AKR1C8: variants seen among roughly 807,000 people sequenced by gnomAD.
The protein encoded by AKR1C8 is aldo-keto reductase family 1 member C8.
chr10:5,119,715 T>G, the AKR1C8 span, among the ~76,000 whole-genome samples: 1 of 152,156 alleles, frequency 6.6e-6, no homozygotes. Flanking sequence ...CTCTCCAAGA[T>G]GCCTAAAAGG....
At chr10:5,127,578 G>A in the AKR1C8 span, among the ~76,000 whole-genome samples, 2 of 149,962 alleles carry the variant, frequency 1.3e-5, no homozygotes, top group African/African-American at 4.9e-5. Flanking sequence ...AATTAGCCTG[G>A]CATGCTGGCA....
chr10:5,126,302 C>T, the AKR1C8 span, among the ~76,000 whole-genome samples: 1 of 152,136 alleles, frequency 6.6e-6, no homozygotes, highest in Non-Finnish European at 1.5e-5. Context: ...CAGGTTCAGG[C>T]TTGCATGAGA....
chr10:5,165,544 A>C, the AKR1C8 span, among the ~76,000 whole-genome samples: 1 of 152,184 alleles, frequency 6.6e-6, no homozygotes, highest in African/African-American at 2.4e-5. Flanking sequence ...AATCAGAAAG[A>C]AACTTCCCTG....
At chr10:5,141,562 C>T in the AKR1C8 span, among the ~76,000 whole-genome samples, 1 of 152,022 alleles carries the variant, frequency 6.6e-6, no homozygotes, top group Non-Finnish European at 1.5e-5. Flanking sequence ...ATTTTATGAA[C>T]AATAAGACTT....
At chr10:5,127,340 G>A in the AKR1C8 span, among the ~76,000 whole-genome samples, 2 of 152,132 alleles carry the variant, frequency 1.3e-5, no homozygotes, top group Admixed American at 6.6e-5. Flanking sequence ...GCAGTGGAAA[G>A]TTTCAACAAT....
chr10:5,176,963 CT>C, the AKR1C8 span, among the ~76,000 whole-genome samples: 1 of 152,084 alleles, frequency 6.6e-6, no homozygotes, highest in Admixed American at 6.6e-5. Context: ...ATTGAATACC[CT>C]TTATTTCCTT....
At chr10:5,166,044 C>T in the AKR1C8 span, among the ~76,000 whole-genome samples, 3 of 151,956 alleles carry the variant, frequency 2.0e-5, no homozygotes, top group African/African-American at 4.8e-5. Flanking sequence ...TCTTTCTCTC[C>T]ACCCTGGGTC....
chr10:5,121,400 C>A, the AKR1C8 span, among the ~76,000 whole-genome samples: 1 of 152,208 alleles, frequency 6.6e-6, no homozygotes, highest in Non-Finnish European at 1.5e-5. Flanking sequence ...ACCTCAGTCA[C>A]TAGCACTGAG....
chr10:5,125,343 T>C, the AKR1C8 span, among the ~76,000 whole-genome samples: 2 of 152,160 alleles, frequency 1.3e-5, no homozygotes, highest in Non-Finnish European at 2.9e-5. Context: ...GTACTGTTAC[T>C]GGGAGAATAT....
At chr10:5,135,522 T>TCTGG in the AKR1C8 span, among the ~76,000 whole-genome samples, 2 of 152,128 alleles carry the variant, frequency 1.3e-5, no homozygotes, top group African/African-American at 4.8e-5. Flanking sequence ...TATCTATCTA[T>TCTGG]CTATCTATCT....
chr10:5,165,771 C>G, the AKR1C8 span, among the ~76,000 whole-genome samples: 73 of 152,240 alleles, frequency 4.8e-4, no homozygotes, highest in African/African-American at 1.7e-3. Context: ...TTAAAACAGT[C>G]CCTTCATTAA....
the AKR1C8 span, among the ~76,000 whole-genome samples, chr10:5,120,749 G>A: frequency 6.6e-6 from 1 of 152,012 alleles, no homozygotes; most frequent in African/African-American, 2.4e-5. Context: ...AAAGAAGAGA[G>A]ACTGTTCACA....
the AKR1C8 span, among the ~76,000 whole-genome samples, chr10:5,174,281 TAA>T: frequency 0.47 from 68,143 of 145,598 alleles, 16,256 homozygotes; most frequent in Non-Finnish European, 0.54. Flanking sequence ...GTGATGTCTA[TAA>T]AAAAAAAAAC....
the AKR1C8 span, among the ~76,000 whole-genome samples, chr10:5,162,236 A>G: frequency 2.0e-5 from 3 of 152,250 alleles, no homozygotes; most frequent in Admixed American, 2.0e-4. Flanking sequence ...ACTTCAACGT[A>G]TCAAGGATTA....
At chr10:5,178,230 G>A in the AKR1C8 span, among the ~76,000 whole-genome samples, 1 of 152,004 alleles carries the variant, frequency 6.6e-6, no homozygotes, top group East Asian at 1.9e-4. Context: ...CTTTCATTTC[G>A]TTATGTACCC....
the AKR1C8 span, among the ~76,000 whole-genome samples, chr10:5,116,022 G>A: frequency 6.6e-6 from 1 of 152,094 alleles, no homozygotes; most frequent in South Asian, 2.1e-4. Context: ...TCCTGGTGGA[G>A]TGACCCAAAC....
chr10:5,152,190 G>A, the AKR1C8 span, among the ~76,000 whole-genome samples: 1 of 152,054 alleles, frequency 6.6e-6, no homozygotes, highest in Admixed American at 6.6e-5. Flanking sequence ...AAAGAATTTG[G>A]GATTTAGTGC....
chr10:5,130,053 T>A, the AKR1C8 span, among the ~76,000 whole-genome samples: 2 of 151,776 alleles, frequency 1.3e-5, no homozygotes, highest in East Asian at 3.9e-4. Flanking sequence ...CATCAGCATA[T>A]CAAAAAGATA....
the AKR1C8 span, among the ~76,000 whole-genome samples, chr10:5,146,358 G>GA: frequency 2.0e-5 from 3 of 151,310 alleles, no homozygotes; most frequent in South Asian, 2.1e-4. Context: ...AATAAAAGAA[G>GA]AAAAAAAATT....
Sources: allele counts gnomAD v4.1 joint callset (sites outside exome capture counted in the v4.1 genomes callset), GRCh38; gene constraint gnomAD v4.1.1; transcripts MANE v1.5; gene names NCBI Gene and HGNC (gene_info 2026-07-23, HGNC 2026-07-21).